CACNA1A: variants seen among roughly 807,000 people sequenced by gnomAD.
CACNA1A encodes the protein calcium voltage-gated channel subunit alpha1 A.
Under a neutral mutation model 262.4 loss-of-function variants are expected in CACNA1A, and 57 were observed. That is an observed-to-expected ratio of 0.22 (90% confidence interval 0.18 to 0.27). The LOEUF (loss-of-function observed/expected upper bound fraction) is 0.27. Ranked by LOEUF, CACNA1A falls within the 10% of genes least tolerant of loss-of-function variation. The pLI, the probability that CACNA1A is intolerant of heterozygous loss-of-function variation, is 1.00. For synonymous variants in CACNA1A, 1,431 were observed against 1,419.3 expected (o/e 1.01, Z -0.18); for missense variants, 2,526 against 3,562.8 (o/e 0.71, Z 7.41).
chr19:13,391,209 A>G (rs913053892), intron 3 of CACNA1A, among the ~76,000 whole-genome samples: 10 of 152,134 alleles, frequency 6.6e-5, no homozygotes, highest in African/African-American at 1.7e-4. Context: ...ATTTGAACAA[A>G]TATCTTAGTT....
intron 1 of CACNA1A, among the ~76,000 whole-genome samples, chr19:13,486,873 C>CTG (rs747900106): frequency 2.0e-5 from 3 of 152,052 alleles, no homozygotes; most frequent in Admixed American, 6.6e-5. Context: ...CTCTCTCTCT[C>CTG]TGTGTCTCCT....
chr19:13,248,409 C>CAAA (rs61481896), intron 30 of CACNA1A, among the ~76,000 whole-genome samples: 149 of 58,450 alleles, frequency 2.5e-3, no homozygotes, highest in Admixed American at 3.9e-3. Flanking sequence ...GATCCCATCT[C>CAAA]AAAAAAAAAA....
Position 13,406,262 on chromosome 19 carries a change from C to G in CACNA1A, c.540-34483G>C, listed in dbSNP as rs2059999781. ...TTGAGCCCAGGAGCTCAAGACCAGC[C>G]TGGCCAACATAGGTGAATCCCTGTC... On this transcript the variant is annotated intron_variant, in intron 3 of 46. Coordinates refer to ENST00000360228, the MANE Select transcript of CACNA1A (RefSeq NM_001127222.2). 2.0e-5 allele frequency among the ~76,000 whole-genome samples: 3 copies of G among 151,536 alleles called. No homozygotes were observed. The South Asian group carries it at 6.3e-4, about 32-fold the overall frequency.
intron 24 of CACNA1A, chr19:13,275,587 G>A (rs1280111722): frequency 2.0e-6 from 1 of 510,746 alleles, no homozygotes; most frequent in East Asian, 3.5e-5. Flanking sequence ...GCACAGCAAG[G>A]GGCCAGTGAT....
chr19:13,446,980 T>C (rs2060827465), intron 3 of CACNA1A, among the ~76,000 whole-genome samples: 4 of 152,120 alleles, frequency 2.6e-5, no homozygotes, highest in Middle Eastern at 3.4e-3. Flanking sequence ...GTAATAAAAT[T>C]TGAGCAATGT....
chr19:13,226,986 C>T (rs2055477912), intron 37 of CACNA1A: 1 of 152,810 alleles, frequency 6.5e-6, no homozygotes, highest in Admixed American at 6.5e-5. Flanking sequence ...CGGGACCTCG[C>T]CTGCTTTCGG....
At chr19:13,439,108 A>AT (rs939229748) in intron 3 of CACNA1A, among the ~76,000 whole-genome samples, 3,291 of 137,188 alleles carry the variant, frequency 0.024, 118 homozygotes, top group African/African-American at 0.074. Flanking sequence ...TTGTCCTCAA[A>AT]TTTTTTTTTT....
At chr19:13,402,857 TACACACACACACAC>T (rs1282745878) in intron 3 of CACNA1A, among the ~76,000 whole-genome samples, 1 of 75,838 alleles carries the variant, frequency 1.3e-5, no homozygotes, top group Non-Finnish European at 2.4e-5. Flanking sequence ...CATATATATA[TACACACACACACAC>T]ACATATATAT....
At chr19:13,227,940 G>GTCTC (rs147481169) in intron 36 of CACNA1A, among the ~76,000 whole-genome samples, 2 of 132,464 alleles carry the variant, frequency 1.5e-5, no homozygotes, top group South Asian at 5.0e-4. Flanking sequence ...AAGAGACAGG[G>GTCTC]TCTCTCTCTG....
At chr19:13,406,511 A>ATG (rs1491115956) in intron 3 of CACNA1A, among the ~76,000 whole-genome samples, 1 of 108,588 alleles carries the variant, frequency 9.2e-6, no homozygotes, top group South Asian at 3.1e-4. Context: ...ATATATATAT[A>ATG]TGAAGGGAAT....
intron 5 of CACNA1A, chr19:13,362,264 C>T (rs1027700754): frequency 6.6e-6 from 1 of 152,194 alleles, no homozygotes; most frequent in African/African-American, 2.4e-5. Context: ...GTAGCGTGAT[C>T]TCGGCTCACT....
intron 10 of CACNA1A, among the ~76,000 whole-genome samples, chr19:13,329,540 G>C (rs2058431393): frequency 6.7e-6 from 1 of 148,938 alleles, no homozygotes; most frequent in East Asian, 2.0e-4. Flanking sequence ...CCAGGCTGGA[G>C]GGCAGTGATG....
rs2054928877 is a variant in CACNA1A at position 13,214,523 on chromosome 19, G to T, written c.5817C>A (p.Asp1939Glu). The change falls in exon 39 of 47, where the codon GAC becomes GAA. Residue 1939 changes from aspartate (D) to glutamate (E), a missense_variant. Coordinates refer to ENST00000360228, the MANE Select transcript of CACNA1A (RefSeq NM_001127222.2). The surrounding 1 kb of genome is among the most constrained non-coding windows in gnomAD (Gnocchi z 4.1). ...TACACTTGTGAGGTGTGACCAGCAG[G>T]TCTAGCGTCTTCTGGGACAGATTGG... ...IWPNLSQKTLDLLVTPHKSTD... is the reference protein window; with the variant it reads ...IWPNLSQKTLELLVTPHKSTD... 6.2e-7 allele frequency: 1 copy of T among 1,613,230 alleles called. No homozygotes were observed. The highest frequency in any genetic ancestry group is 1.1e-5 in the South Asian group (1 of 91,066).
intron 1 of CACNA1A, among the ~76,000 whole-genome samples, chr19:13,460,557 A>G (rs2061102299): frequency 6.6e-6 from 1 of 152,158 alleles, no homozygotes; most frequent in Non-Finnish European, 1.5e-5. Flanking sequence ...AAGCCTTCCC[A>G]TGGATCCCAT....
intron 10 of CACNA1A, among the ~76,000 whole-genome samples, chr19:13,323,577 T>C (rs893261606): frequency 6.6e-5 from 10 of 152,216 alleles, no homozygotes; most frequent in Admixed American, 2.0e-4. Context: ...TCGTCACATC[T>C]TAGCCTCCCG....
intron 3 of CACNA1A, among the ~76,000 whole-genome samples, chr19:13,443,323 T>C (rs1275271324): frequency 6.6e-6 from 1 of 151,886 alleles, no homozygotes; most frequent in African/African-American, 2.4e-5. Flanking sequence ...TTATTTAACC[T>C]TGAGAGTTGA....
chr19:13,426,058 A>G (rs1174121489), intron 3 of CACNA1A, among the ~76,000 whole-genome samples: 1 of 152,146 alleles, frequency 6.6e-6, no homozygotes, highest in Non-Finnish European at 1.5e-5. Flanking sequence ...ACTCTGTCTC[A>G]AAACAAAACA....
chr19:13,374,101 CAG>C (rs1262340922), intron 3 of CACNA1A, among the ~76,000 whole-genome samples: 1 of 152,054 alleles, frequency 6.6e-6, no homozygotes, highest in Non-Finnish European at 1.5e-5. Context: ...GTGGCCATGA[CAG>C]AGAGCTTGGG....
At chr19:13,347,005 C>T (rs143900064) in intron 6 of CACNA1A, among the ~76,000 whole-genome samples, 1 of 150,044 alleles carries the variant, frequency 6.7e-6, no homozygotes, top group East Asian at 2.0e-4. Context: ...TTTTTGGATA[C>T]ATGTGATACT....
Sources: gnomAD v4.1 joint callset for allele counts (sites outside exome capture counted in the v4.1 genomes callset) on GRCh38, gnomAD v4.1.1 for gene constraint, Gnocchi (gnomAD v3.1) non-coding constraint, MANE v1.5 for transcripts, NCBI Gene and HGNC (gene_info 2026-07-23, HGNC 2026-07-21) for gene names.